CAMKMT: variants seen among roughly 807,000 people sequenced by gnomAD.
The protein encoded by CAMKMT is calmodulin-lysine N-methyltransferase.
Under a neutral mutation model 48.0 loss-of-function variants are expected in CAMKMT, and 53 were observed. The ratio of observed to expected loss-of-function variants is 1.10; its 90% CI spans 0.89 to 1.39. The LOEUF is 1.39. CAMKMT is among the 40% of genes most tolerant of loss of function. The pLI is 0.00. For synonymous variants in CAMKMT, 165 were observed against 152.3 expected, an observed-to-expected ratio of 1.08 and a Z score of -0.61; for missense variants, 428 against 402.7, an observed-to-expected ratio of 1.06 and a Z score of -0.54.
chr2:44,511,693 A>C (rs901880367), intron 3 of CAMKMT, among the ~76,000 whole-genome samples: 1 of 152,172 alleles, frequency 6.6e-6, no homozygotes, highest in Non-Finnish European at 1.5e-5. Context: ...ACTTCAACTG[A>C]GGGCTGAGAG....
chr2:44,376,192 C>T (rs1679672376), intron 2 of CAMKMT, among the ~76,000 whole-genome samples: 1 of 151,998 alleles, frequency 6.6e-6, no homozygotes, highest in Non-Finnish European at 1.5e-5. Flanking sequence ...GGGTGGATCA[C>T]TTGAGCCTAG....
chr2:44,672,043 C>A (rs754043058), intron 3 of CAMKMT, among the ~76,000 whole-genome samples: 4 of 152,148 alleles, frequency 2.6e-5, no homozygotes, highest in Non-Finnish European at 4.4e-5. Flanking sequence ...ACTTGACCTG[C>A]CCCGACAGGA....
chr2:44,363,580 A>G (rs1678234748), intron 1 of CAMKMT, among the ~76,000 whole-genome samples: 1 of 148,696 alleles, frequency 6.7e-6, no homozygotes, highest in South Asian at 2.1e-4. Flanking sequence ...GGGTTTCTCC[A>G]TGTTTGTCAA....
At chr2:44,601,084 T>C (rs1295854130) in intron 3 of CAMKMT, among the ~76,000 whole-genome samples, 2 of 152,130 alleles carry the variant, frequency 1.3e-5, no homozygotes, top group African/African-American at 4.8e-5. Flanking sequence ...AGTTGATACA[T>C]ATAATATAAC....
intron 3 of CAMKMT, among the ~76,000 whole-genome samples, chr2:44,528,642 C>T (rs1277653358): frequency 2.0e-5 from 3 of 152,098 alleles, no homozygotes; most frequent in Non-Finnish European, 4.4e-5. Context: ...TTGTTTGAAT[C>T]ACATCCAAAC....
chr2:44,770,877 G>T (rs1681077447), intron 10 of CAMKMT, among the ~76,000 whole-genome samples: 1 of 152,220 alleles, frequency 6.6e-6, no homozygotes, highest in East Asian at 1.9e-4. Context: ...AAAACAGAAT[G>T]AAGTCACCTC....
chr2:44,690,493 C>G (rs918278377), intron 3 of CAMKMT, among the ~76,000 whole-genome samples: 3 of 152,176 alleles, frequency 2.0e-5, no homozygotes, highest in African/African-American at 7.2e-5. Flanking sequence ...GTATGTGGGC[C>G]TAAACCCTGG....
chr2:44,527,719 G>T (rs1055979986), intron 3 of CAMKMT, among the ~76,000 whole-genome samples: 1 of 150,316 alleles, frequency 6.7e-6, no homozygotes, highest in African/African-American at 2.4e-5. Context: ...ACAGTGTTAG[G>T]TTCACAGGAA....
chr2:44,520,167 C>G (rs1671030265), intron 3 of CAMKMT, among the ~76,000 whole-genome samples: 2 of 151,994 alleles, frequency 1.3e-5, no homozygotes, highest in Admixed American at 1.3e-4. Context: ...TGCAGTGAGC[C>G]AAGATCACGC....
intron 3 of CAMKMT, among the ~76,000 whole-genome samples, chr2:44,645,781 A>G (rs1673697680): frequency 6.6e-6 from 1 of 152,200 alleles, no homozygotes; most frequent in African/African-American, 2.4e-5. Flanking sequence ...AGATTATGCC[A>G]CTGCGCTCCA....
At chr2:44,465,501 C>T (rs1414497501) in intron 3 of CAMKMT, among the ~76,000 whole-genome samples, 1 of 149,516 alleles carries the variant, frequency 6.7e-6, no homozygotes, top group African/African-American at 2.5e-5. Flanking sequence ...GAGGCTGAGG[C>T]ACGAGAATTG....
chr2:44,682,383 T>A (rs1676071895), intron 3 of CAMKMT, among the ~76,000 whole-genome samples: 1 of 152,170 alleles, frequency 6.6e-6, no homozygotes, highest in African/African-American at 2.4e-5. Flanking sequence ...ATGGTAAAAA[T>A]TTCATTGAAG....
intron 3 of CAMKMT, among the ~76,000 whole-genome samples, chr2:44,493,950 A>G (rs1282900151): frequency 3.9e-5 from 6 of 152,232 alleles, no homozygotes; most frequent in Admixed American, 2.0e-4. Flanking sequence ...AATAAAAGCC[A>G]TGGATTTTAA....
chr2:44,553,364 C>CTT (rs11355850), intron 3 of CAMKMT, among the ~76,000 whole-genome samples: 12 of 141,220 alleles, frequency 8.5e-5, no homozygotes, highest in South Asian at 2.3e-4. Flanking sequence ...GAGTGAGACA[C>CTT]TTTTTTTTTT....
At chr2:44,402,327 TA>T (rs61683632) in intron 3 of CAMKMT, among the ~76,000 whole-genome samples, 60,436 of 116,376 alleles carry the variant, frequency 0.52, 16,465 homozygotes, top group Non-Finnish European at 0.65. Flanking sequence ...AGACTCTGTC[TA>T]AAAAAAAAAA....
At position 44,416,263 on chromosome 2, in the gene CAMKMT, A is replaced by AT. The variant is rs551654689; in HGVS notation, c.376+25961dup. ...TGAAAAAATTTAAAAGTAATGTATG[A>AT]TTTAGTTTACTCTTATTTAATTTGT... On this transcript the variant is annotated intron_variant, in intron 3 of 10. Coordinates refer to ENST00000378494, the MANE Select transcript of CAMKMT (RefSeq NM_024766.5). 2.2e-4 allele frequency among the ~76,000 whole-genome samples: 33 copies of AT among 152,314 alleles called. No homozygotes were observed. In the East Asian group the frequency reaches 3.7e-3, roughly 17 times the overall value.
At chr2:44,556,120 T>G (rs985083856) in intron 3 of CAMKMT, among the ~76,000 whole-genome samples, 1 of 151,996 alleles carries the variant, frequency 6.6e-6, no homozygotes, top group Non-Finnish European at 1.5e-5. Flanking sequence ...TACCTACAAT[T>G]TTTTTTATTT....
chr2:44,693,878 C>A (rs1223474042), intron 3 of CAMKMT, among the ~76,000 whole-genome samples: 1 of 152,164 alleles, frequency 6.6e-6, no homozygotes, highest in Non-Finnish European at 1.5e-5. Flanking sequence ...ACTTGAGTCT[C>A]AGATTTGAGA....
chr2:44,676,393 C>T (rs1210675669), intron 3 of CAMKMT, among the ~76,000 whole-genome samples: 1 of 152,130 alleles, frequency 6.6e-6, no homozygotes, highest in African/African-American at 2.4e-5. Context: ...ATGTATAAAA[C>T]CCAAATGCGT....
Sources: gnomAD v4.1 joint callset for allele counts (sites outside exome capture counted in the v4.1 genomes callset) on GRCh38, gnomAD v4.1.1 for gene constraint, MANE v1.5 for transcripts, NCBI Gene and HGNC (gene_info 2026-07-23, HGNC 2026-07-21) for gene names.